The following DGKH variants were observed in gnomAD, a reference collection of about 807,000 sequenced individuals.
DGKH encodes diacylglycerol kinase eta.
A neutral mutation model predicts 159.3 loss-of-function variants in DGKH; 90 were observed. The ratio of observed to expected loss-of-function variants is 0.57; its 90% confidence interval spans 0.48 to 0.67. The LOEUF is 0.67. Ranked by LOEUF, DGKH falls within the 30% of genes least tolerant of loss-of-function variation. DGKH has a pLI of 0.00. For synonymous variants in DGKH, 536 were observed against 553.8 expected (o/e 0.97, Z 0.45); for missense variants, 1,181 against 1,506.1 (o/e 0.78, Z 3.57).
At chr13:42,228,601 TGAGA>T (rs71767540) in intron 29 of DGKH, among the ~76,000 whole-genome samples, 17 of 140,888 alleles carry the variant, frequency 1.2e-4, no homozygotes, top group South Asian at 9.0e-4. Context: ...AAAGAGCCTT[TGAGA>T]GAGAGAGAGA....
At chr13:42,183,506 A>T (rs1158360614) in intron 13 of DGKH, among the ~76,000 whole-genome samples, 1 of 152,168 alleles carries the variant, frequency 6.6e-6, no homozygotes, top group African/African-American at 2.4e-5. Flanking sequence ...TTATTTATTT[A>T]TTCAGTGATA....
At chr13:42,143,531 G>A (rs1173531633) in intron 3 of DGKH, among the ~76,000 whole-genome samples, 1 of 152,126 alleles carries the variant, frequency 6.6e-6, no homozygotes, top group Admixed American at 6.6e-5. Context: ...TCTGGTCCTG[G>A]ACTTTTTTTG....
At chr13:42,207,024 T>TTTCTTTC (rs1594206771) in intron 21 of DGKH, among the ~76,000 whole-genome samples, 1 of 50,174 alleles carries the variant, frequency 2.0e-5, no homozygotes, top group Non-Finnish European at 4.5e-5. Context: ...TCTTTCTTTC[T>TTTCTTTC]TTTTCTTTCT....
At chr13:42,070,499 G>C (rs779401983) in intron 1 of DGKH, 34 of 1,283,404 alleles carry the variant, frequency 2.6e-5, no homozygotes, top group Middle Eastern at 1.9e-4. Flanking sequence ...AAGACATGGA[G>C]ATCTGTACCA....
At chr13:42,077,834 C>T (rs1255055781) in intron 1 of DGKH, among the ~76,000 whole-genome samples, 1 of 152,208 alleles carries the variant, frequency 6.6e-6, no homozygotes, top group East Asian at 1.9e-4. Context: ...ATGTGAGCTG[C>T]AAGGGTAGTT....
At chr13:42,056,547 G>A (rs890454481) in intron 1 of DGKH, among the ~76,000 whole-genome samples, 3 of 152,156 alleles carry the variant, frequency 2.0e-5, no homozygotes, top group African/African-American at 7.2e-5. Flanking sequence ...GAACAGTTGT[G>A]TACAGTTACC....
chr13:42,068,557 A>G (rs1882746185), intron 1 of DGKH, among the ~76,000 whole-genome samples: 1 of 152,224 alleles, frequency 6.6e-6, no homozygotes, highest in Non-Finnish European at 1.5e-5. Context: ...CATGAATGAA[A>G]AATGTCTTAG....
At chr13:42,217,552 C>T (rs1037928748) in intron 26 of DGKH, among the ~76,000 whole-genome samples, 6 of 151,784 alleles carry the variant, frequency 4.0e-5, no homozygotes, top group South Asian at 4.2e-4. Context: ...CAAGAATCTC[C>T]GTATTTTTAA....
chr13:42,143,508 A>G (rs1448230319), intron 3 of DGKH, among the ~76,000 whole-genome samples: 1 of 152,152 alleles, frequency 6.6e-6, no homozygotes, highest in Non-Finnish European at 1.5e-5. Flanking sequence ...GGTAGAATTC[A>G]GCTGTGAATC....
chr13:42,040,555 A>G lies in DGKH; in HGVS notation c.-13+429A>G, dbSNP rs868668604. On this transcript the variant is annotated intron_variant, in intron 1 of 29. Coordinates refer to the DGKH transcript ENST00000379274. Reference sequence around the variant, plus strand: ...GAAAAGGGGAGGGCGCCGGGGGCGGAGGAAGGAGCGAGGGGCGGATTCTGC... The same window carrying G: ...GAAAAGGGGAGGGCGCCGGGGGCGGGGGAAGGAGCGAGGGGCGGATTCTGC... Among the ~76,000 whole-genome samples the G allele has an allele frequency of 9.3e-4, 140 of 150,046 alleles. 1 individual carries two copies. The Middle Eastern group carries it at 0.028, about 30-fold the overall frequency.
intron 3 of DGKH, among the ~76,000 whole-genome samples, chr13:42,135,313 A>G (rs777319796): frequency 2.6e-5 from 4 of 151,856 alleles, no homozygotes; most frequent in Non-Finnish European, 5.9e-5. Context: ...AGCCTGGGCA[A>G]AATGGCGAAA....
chr13:42,141,986 A>G (rs1035217775), intron 3 of DGKH, among the ~76,000 whole-genome samples: 4 of 151,380 alleles, frequency 2.6e-5, no homozygotes, highest in Non-Finnish European at 4.4e-5. Flanking sequence ...TATGTCCTGA[A>G]TGGTATTGCC....
intron 1 of DGKH, among the ~76,000 whole-genome samples, chr13:42,042,046 A>T (rs1880543540): frequency 6.6e-6 from 1 of 152,038 alleles, no homozygotes; most frequent in Non-Finnish European, 1.5e-5. Flanking sequence ...CTGATTCCTG[A>T]CCTTTCAGAA....
At chr13:42,148,920 C>G (rs923208870) in intron 3 of DGKH, among the ~76,000 whole-genome samples, 21 of 150,902 alleles carry the variant, frequency 1.4e-4, no homozygotes, top group South Asian at 8.4e-4. Flanking sequence ...TTGGCCTTCC[C>G]ACCCACAACC....
Position 42,233,598 on chromosome 13 carries a change from C to T in DGKH, c.*4410C>T, listed in dbSNP as rs17599382. ...TTCTTCTCAATCCTTATTCCTAATT[C>T]TGGTTCTAGATGAGCCCTACCTACC... On this transcript the variant is annotated 3_prime_UTR_variant, in exon 30 of 30. Coordinates refer to ENST00000337343, the MANE Select transcript of DGKH (RefSeq NM_178009.5). 16,499 of 152,246 alleles carry T rather than the reference C, an allele frequency of 0.11. 1,130 individuals carry two copies. Among genetic ancestry groups the T allele is most frequent in the Non-Finnish European group, 0.15 (10,386 of 67,996 alleles). The allele number at this position is 152,246 out of a possible 1,614,324, so 9.4% of individuals were successfully genotyped here. A position where few individuals can be genotyped will look rare whatever the true frequency, so the allele number is the denominator to read the frequency against.
At chr13:42,133,891 T>G (rs1025071178) in intron 3 of DGKH, among the ~76,000 whole-genome samples, 1 of 152,174 alleles carries the variant, frequency 6.6e-6, no homozygotes, top group Non-Finnish European at 1.5e-5. Flanking sequence ...TATTTAAATA[T>G]CTTACCTTCC....
intron 1 of DGKH, among the ~76,000 whole-genome samples, chr13:42,113,309 T>C (rs945458171): frequency 2.0e-5 from 3 of 152,208 alleles, no homozygotes; most frequent in East Asian, 1.9e-4. Context: ...AATAGTCTTT[T>C]AAGCCTGATA....
rs1391545673 is a variant in DGKH at position 42,237,185 on chromosome 13, T to G, written c.*7997T>G. 1 of 152,194 alleles carries G rather than the reference T, an allele frequency of 6.6e-6. No individual in the cohort carries two copies. The highest frequency in any genetic ancestry group is 1.5e-5 in the Non-Finnish European group (1 of 68,038). The allele number at this position is 152,194 out of a possible 1,614,324, so 9.4% of individuals were successfully genotyped here. A position where few individuals can be genotyped will look rare whatever the true frequency, so the allele number is the denominator to read the frequency against. The stretch of plus-strand genomic sequence containing the variant: ...ATGTTTTCAAGGAAGAAGAAAAAAC[T>G]GTTTTGACTTAATGTGAAGCAGGGG... On this transcript the variant is annotated 3_prime_UTR_variant, in exon 30 of 30. Transcript: ENST00000337343.
rs1044918329 is a variant in DGKH at position 42,236,150 on chromosome 13, A to G, written c.*6962A>G. 1.3e-5 allele frequency: 2 copies of G among 152,180 alleles called. No individual in the cohort carries two copies. Among genetic ancestry groups the G allele is most frequent in the African/African-American group, 4.8e-5 (2 of 41,450 alleles). 9.4% of individuals were successfully genotyped at this position (152,180 alleles called of 1,614,324 possible). A position where few individuals can be genotyped will look rare whatever the true frequency, so the allele number is the denominator to read the frequency against. On this transcript the variant is annotated 3_prime_UTR_variant, in exon 30 of 30. Coordinates refer to ENST00000337343, the MANE Select transcript of DGKH (RefSeq NM_178009.5). ...ACAGACAGTATTACTTGTAATCATC[A>G]AAAGAAGGTTTCCACAAGTTGTATA...
Sources: allele counts gnomAD v4.1 joint callset (sites outside exome capture counted in the v4.1 genomes callset), GRCh38; gene constraint gnomAD v4.1.1; transcripts MANE v1.5; gene names NCBI Gene and HGNC (gene_info 2026-07-23, HGNC 2026-07-21).